Variants in TAOK2 observed in about 807,000 individuals in gnomAD.
TAOK2 encodes the protein TAO kinase 2.
Under a neutral mutation model 122.5 loss-of-function variants are expected in TAOK2, and 42 were observed. The observed-to-expected ratio is 0.34, with a 90% CI of 0.27 to 0.44. The LOEUF (loss-of-function observed/expected upper bound fraction) is 0.44, where lower values mean the gene tolerates loss of function less well. Ranked by LOEUF, TAOK2 falls within the 20% of genes least tolerant of loss-of-function variation. TAOK2 has a pLI of 1.00. For synonymous variants in TAOK2, 704 were observed against 677.6 expected (o/e 1.04, Z -0.61); for missense variants, 1,264 against 1,644.9 (o/e 0.77, Z 4.01).
Position 29,987,166 on chromosome 16 carries a change from T to C in TAOK2, c.2894T>C (p.Leu965Pro). The change falls in exon 16 of 16, where the codon CTC becomes CCC. Residue 965 changes from leucine (L) to proline (P), a missense_variant. Around this residue, in one of 4 missense-constraint regions of TAOK2, gnomAD observed 824 missense variants for 908.7 expected, o/e 0.91. Transcript: ENST00000308893. ...TTTGCAGTGGGGTCCTCCTCTGGCC[T>C]CCTGCCCCTCCTGCTGCTGCTGCTG... ...LSFAVGSSSG[L>P]LPLLLLLLLP... The C allele has an allele frequency of 6.4e-7, 1 of 1,562,544 alleles. No homozygotes were observed. The highest frequency in any genetic ancestry group is 8.6e-7 in the Non-Finnish European group (1 of 1,159,584).
downstream of TAOK2, chr16:29,989,754 C>G: frequency 6.2e-7 from 1 of 1,613,952 alleles, no homozygotes. Context: ...AGCTGGCGAT[C>G]TTGGCGGAGC....
rs2069768558 is a variant in TAOK2, at chr16:29,985,779, A to G, written c.1910A>G (p.Gln637Arg). 1 of 1,611,556 alleles carries G rather than the reference A, an allele frequency of 6.2e-7. No individual in the cohort carries two copies. Among genetic ancestry groups the G allele is most frequent in the Non-Finnish European group, 8.5e-7 (1 of 1,179,824 alleles). The change falls in exon 15 of 16, where the codon CAG becomes CGG. Residue 637 changes from glutamine (Q) to arginine (R), a missense_variant. Physicochemically the swap from Gln to Arg is conservative, Grantham distance 43 (BLOSUM62 1). Coordinates refer to ENST00000308893, the MANE Select transcript of TAOK2 (RefSeq NM_016151.4). This position sits in a 1 kb window ranked among gnomAD's most constrained non-coding sequence, Gnocchi z 6.9. ...EEAGLLRRQRQYFELQCRQYK... is the reference protein window; with the variant it reads ...EEAGLLRRQRRYFELQCRQYK... ...GCAGGGCTGCTGCGGCGGCAGCGCC[A>G]GTACTTTGAGCTGCAGTGTCGCCAG...
In TAOK2 at chr16:29,986,825, G is replaced by A; in HGVS notation, c.2553G>A (p.Val851=). 6.2e-7 allele frequency: 1 copy of A among 1,613,968 alleles called. No individual in the cohort carries two copies. Among genetic ancestry groups the A allele is most frequent in the Non-Finnish European group, 8.5e-7 (1 of 1,179,924 alleles). The change falls in exon 16 of 16, where the codon GTG becomes GTA. Residue 851 remains valine (V), a synonymous_variant. Transcript: ENST00000308893. The surrounding 1 kb of genome is among the most constrained non-coding windows in gnomAD (Gnocchi z 4.2). ...GLPEEIEELR[V]PSLVPQERSI... is the part of the protein sequence containing the mutation. ...CTGAGGAGATAGAGGAGCTTAGGGT[G>A]CCCTCCCTTGTACCCCAGGAGAGGA...
intron 10 of TAOK2, 49 bp from the exon 11 acceptor site, chr16:29,982,685 G>C (rs762955971): frequency 6.9e-6 from 11 of 1,585,558 alleles, no homozygotes; most frequent in Non-Finnish European, 9.4e-6. Context: ...GCTGTGGGTT[G>C]TGGGGGGAAG....
chr16:29,988,548 C>A, downstream of TAOK2: 1 of 1,150,630 alleles, frequency 8.7e-7, no homozygotes, highest in Non-Finnish European at 1.1e-6. Context: ...TGCTCTCTGC[C>A]TTCATAGCTT....
At chr16:29,975,697 G>C (rs1185529189) in intron 1 of TAOK2, among the ~76,000 whole-genome samples, 1 of 152,164 alleles carries the variant, frequency 6.6e-6, no homozygotes, top group East Asian at 1.9e-4. Flanking sequence ...TAGCACTAGT[G>C]GCATCTTTTA....
In TAOK2 at chr16:29,986,854, T is replaced by C. The variant is rs1422321038; in HGVS notation, c.2582T>C (p.Ile861Thr). Residue 861 changes from isoleucine to threonine, a missense_variant, in exon 16 of 16, where the codon ATT (isoleucine) becomes ACT (threonine). Transcript: ENST00000308893. The surrounding 1 kb of genome is among the most constrained non-coding windows in gnomAD (Gnocchi z 4.2). ...VPSLVPQERS[I>T]VGQEEAGTWS... Reference sequence around the variant, plus strand: ...TCCCTTGTACCCCAGGAGAGGAGCATTGTTGGCCAGGAGGAGGCTGGGACA... The same window carrying C: ...TCCCTTGTACCCCAGGAGAGGAGCACTGTTGGCCAGGAGGAGGCTGGGACA... 5 of 1,613,886 alleles carry C rather than the reference T, an allele frequency of 3.1e-6. No individual in the cohort carries two copies. In the South Asian group the frequency reaches 5.5e-5, roughly 18 times the overall value.
chr16:29,985,324 C>A lies in TAOK2; in HGVS notation c.1534C>A (p.Arg512=), dbSNP rs1246992068. The A allele has an allele frequency of 6.2e-7, 1 of 1,610,350 alleles. No individual in the cohort carries two copies. Among genetic ancestry groups the A allele is most frequent in the Non-Finnish European group, 8.5e-7 (1 of 1,177,700 alleles). The change falls in exon 14 of 16, where the codon CGG becomes AGG. Residue 512 remains arginine, a synonymous_variant. Coordinates refer to ENST00000308893, the MANE Select transcript of TAOK2 (RefSeq NM_016151.4). This position sits in a 1 kb window ranked among gnomAD's most constrained non-coding sequence, Gnocchi z 6.9. ...HQKQLLALES[R]LRGEREEHSA... Reference sequence around the variant, plus strand: ...GAAGCAGCTGCTGGCCCTGGAGTCACGGCTGAGGGGTGAACGGGAGGAGCA... The same window carrying A: ...GAAGCAGCTGCTGGCCCTGGAGTCAAGGCTGAGGGGTGAACGGGAGGAGCA...
At position 29,987,961 on chromosome 16, in the gene TAOK2, CCCTG is replaced by C; in HGVS notation, c.3692_3695del (p.Leu1231ProfsTer6). ...AGGTCACGCACCCGCCAGTCCCGGG[CCCTG>C]CCCCCCTGGAGGTAGCTGACTCCAG... is the stretch of plus-strand genomic sequence containing the variant. On this transcript the variant is annotated frameshift_variant, in exon 16 of 16. Transcript: ENST00000308893. LOFTEE classifies it high-confidence loss of function. 2 of 1,539,202 alleles carry C rather than the reference CCCTG, an allele frequency of 1.3e-6. No individual in the cohort carries two copies. Among genetic ancestry groups the C allele is most frequent in the Non-Finnish European group, 1.7e-6 (2 of 1,148,188 alleles).
chr16:29,981,316 T>G (rs933835458), intron 8 of TAOK2: 40 of 553,294 alleles, frequency 7.2e-5, no homozygotes, highest in Non-Finnish European at 1.1e-4. Flanking sequence ...CTAATTCTTG[T>G]TTTTATCTTC....
At chr16:29,984,316 G>A (rs2069714686) in intron 13 of TAOK2, among the ~76,000 whole-genome samples, 1 of 152,250 alleles carries the variant, frequency 6.6e-6, no homozygotes, top group Admixed American at 6.5e-5. Context: ...GCTCCTGTAA[G>A]CAGGCCCTTA....
chr16:29,978,665 C>T (rs1369023562), intron 4 of TAOK2, 134 bp from the exon 5 acceptor site: 2 of 975,640 alleles, frequency 2.0e-6, no homozygotes, highest in Admixed American at 2.0e-5. Context: ...CCCACCACCC[C>T]CTCATTGTCT....
intron 4 of TAOK2, 36 bp downstream of exon 4, chr16:29,978,389 C>A: frequency 6.3e-7 from 1 of 1,591,116 alleles, no homozygotes; most frequent in South Asian, 1.1e-5. Context: ...GATCTTTACT[C>A]CTATTCATGC....
At position 29,987,659 on chromosome 16, in the gene TAOK2, C is replaced by T. The variant is rs1473220872; in HGVS notation, c.3387C>T (p.Val1129=). Residue 1129 remains valine, a synonymous_variant, in exon 16 of 16, where the codon GTC becomes GTT. Coordinates refer to ENST00000308893, the MANE Select transcript of TAOK2 (RefSeq NM_016151.4). ...ATGGCTTCCGCAGCCGCCTGCCCGT[C>T]CCTGGGCCCCGGCGGCGTAATCCCC... ...NKDGFRSRLP[V]PGPRRRNPRT... is the part of the protein sequence containing the mutation. 1 of 1,613,676 alleles carries T rather than the reference C, an allele frequency of 6.2e-7. No homozygotes were observed. Among genetic ancestry groups the T allele is most frequent in the Non-Finnish European group, 8.5e-7 (1 of 1,179,810 alleles).
rs1207933586 is a variant in TAOK2 at position 29,986,877 on chromosome 16, A to C, written c.2605A>C (p.Thr869Pro). Residue 869 changes from threonine to proline, a missense_variant, in exon 16 of 16, where the codon ACA (threonine) becomes CCA (proline). Thr to Pro is a conservative substitution (Grantham distance 38). Around this residue, in one of 4 missense-constraint regions of TAOK2, gnomAD observed 824 missense variants for 908.7 expected, o/e 0.91. Transcript: ENST00000308893. This position sits in a 1 kb window ranked among gnomAD's most constrained non-coding sequence, Gnocchi z 4.2. ...RSIVGQEEAG[T>P]WSLWGKEDES... ...CATTGTTGGCCAGGAGGAGGCTGGG[A>C]CATGGAGCTTGTGGGGGAAGGAGGA... 2 of 1,614,036 alleles carry C rather than the reference A, an allele frequency of 1.2e-6. No individual in the cohort carries two copies. Among genetic ancestry groups the C allele is most frequent in the African/African-American group, 1.3e-5 (1 of 75,000 alleles).
chr16:29,991,184 C>A, downstream of TAOK2: 1 of 1,611,072 alleles, frequency 6.2e-7, no homozygotes, highest in Non-Finnish European at 8.5e-7. This position sits in a 1 kb window ranked among gnomAD's most constrained non-coding sequence, Gnocchi z 5.6. Flanking sequence ...CTCTGGGGGG[C>A]ATCCCGGCTG....
In TAOK2 at chr16:29,985,206, TC is replaced by T. The variant is rs746038952; in HGVS notation, c.1423-3del. On this transcript the variant is annotated splice_region_variant and splice_polypyrimidine_tract_variant and intron_variant, in intron 13 of 15. Transcript: ENST00000308893. The surrounding 1 kb of genome is among the most constrained non-coding windows in gnomAD (Gnocchi z 6.9). ...AGCCCCAGCTCTCACCCTCTCTCCT[TC>T]CCCAGGTCAGCCGTCAGATCCAGGA... The T allele has an allele frequency of 5.3e-6, 8 of 1,496,760 alleles. No homozygotes were observed. Among genetic ancestry groups the T allele is most frequent in the Non-Finnish European group, 7.1e-6 (8 of 1,122,040 alleles). The allele number at this position is 1,496,760 out of a possible 1,614,324, so 92.7% of individuals were successfully genotyped here.
intron 1 of TAOK2, among the ~76,000 whole-genome samples, chr16:29,975,476 G>T (rs776776536): frequency 7.2e-5 from 11 of 152,136 alleles, no homozygotes; most frequent in African/African-American, 9.7e-5. Flanking sequence ...CTCGGCCAGG[G>T]GTCCCTAGGA....
At chr16:29,981,624 C>T in intron 8 of TAOK2, 37 bp from the exon 9 acceptor site, 1 of 1,598,122 alleles carries the variant, frequency 6.3e-7, no homozygotes, top group Non-Finnish European at 8.6e-7. Context: ...TACCCCCTGC[C>T]ACCTCTCACC....
Sources: allele counts gnomAD v4.1 joint callset (sites outside exome capture counted in the v4.1 genomes callset), GRCh38; gene constraint gnomAD v4.1.1; regional missense constraint gnomAD v4.1.1; non-coding constraint Gnocchi (gnomAD v3.1); transcripts MANE v1.5; gene names NCBI Gene and HGNC (gene_info 2026-07-23, HGNC 2026-07-21).